The following SRCAP variants were observed in gnomAD, a reference collection of about 807,000 sequenced individuals.
SRCAP encodes the protein Snf2 related CREBBP activator protein, also known as chromatin remodeling protein SRCAP.
Under a neutral mutation model 263.1 loss-of-function variants are expected in SRCAP, and 46 were observed. The observed-to-expected ratio is 0.17, with a 90% CI of 0.14 to 0.22. The LOEUF (loss-of-function observed/expected upper bound fraction) is 0.22, where lower values mean the gene tolerates loss of function less well. SRCAP is among the 10% of genes least tolerant of loss of function. SRCAP has a pLI of 1.00. For synonymous variants in SRCAP, 1,813 were observed against 1,662.1 expected (o/e 1.09, Z -2.21); for missense variants, 3,695 against 4,181.9 (o/e 0.88, Z 3.21).
intron 18 of SRCAP, among the ~76,000 whole-genome samples, chr16:30,717,072 GC>G (rs1222496903): frequency 1.3e-5 from 2 of 152,218 alleles, no homozygotes; most frequent in African/African-American, 2.4e-5. Context: ...CCCTAGCAGG[GC>G]ACAAGTGTTC....
At chr16:30,716,643 T>G (rs1008496745) in intron 18 of SRCAP, among the ~76,000 whole-genome samples, 164 bp downstream of exon 18, 1 of 152,214 alleles carries the variant, frequency 6.6e-6, no homozygotes, top group East Asian at 1.9e-4. Context: ...ATGGTTCAAC[T>G]TAATATTTTT....
chr16:30,712,802 A>G lies in SRCAP; in HGVS notation c.2117A>G (p.Lys706Arg), dbSNP rs2052905408. Residue 706 changes from lysine (K) to arginine (R), a missense_variant, in exon 14 of 34, where the codon AAG (lysine) becomes AGG (arginine). Physicochemically the swap from Lys to Arg is conservative, Grantham distance 26. This residue lies in a region of SRCAP where 121 missense variants were observed against 330.7 expected (regional missense o/e 0.37). Coordinates refer to ENST00000262518, the MANE Select transcript of SRCAP (RefSeq NM_006662.3). ...LTYYGAQKERKLKRQGWTKPN... is the reference protein window; with the variant it reads ...LTYYGAQKERRLKRQGWTKPN... Reference sequence around the variant, plus strand: ...TACTATGGAGCCCAGAAAGAGAGGAAGCTCAAGCGGCAGGTTCGATGTTTC... The same window carrying G: ...TACTATGGAGCCCAGAAAGAGAGGAGGCTCAAGCGGCAGGTTCGATGTTTC... The G allele has an allele frequency of 6.2e-7, 1 of 1,614,044 alleles. No homozygotes were observed. The highest frequency in any genetic ancestry group is 1.3e-5 in the African/African-American group (1 of 74,932).
rs769676996 is a variant in SRCAP at position 30,704,046 on chromosome 16, C to T, written c.55-18C>T. On this transcript the variant is annotated intron_variant, in intron 3 of 33. Coordinates refer to ENST00000262518, the MANE Select transcript of SRCAP (RefSeq NM_006662.3). The stretch of plus-strand genomic sequence containing the variant: ...AGTGCGAAGCATTTATTTTCTCCAT[C>T]ATTTTCCTCTTTTCTAGATGGTGTC... 5 of 1,599,792 alleles carry T rather than the reference C, an allele frequency of 3.1e-6. No individual in the cohort carries two copies.
intron 27 of SRCAP, among the ~76,000 whole-genome samples, chr16:30,730,109 C>A (rs1224960045): frequency 6.6e-6 from 1 of 152,146 alleles, no homozygotes; most frequent in African/African-American, 2.4e-5. Flanking sequence ...GCTGCTAACT[C>A]CTTCATTCAG....
At chr16:30,716,265 G>T in intron 17 of SRCAP, 28 bp from the exon 18 acceptor site, 1 of 1,613,296 alleles carries the variant, frequency 6.2e-7, no homozygotes, top group African/African-American at 1.3e-5. Flanking sequence ...CTGTTAGGAC[G>T]TCTCATTTAT....
At position 30,738,679 on chromosome 16, in the gene SRCAP, C is replaced by T. The variant is rs1464873379; in HGVS notation, c.8639C>T (p.Ala2880Val). The T allele has an allele frequency of 6.2e-7, 1 of 1,613,614 alleles. No individual in the cohort carries two copies. Among genetic ancestry groups the T allele is most frequent in the African/African-American group, 1.3e-5 (1 of 74,996 alleles). ...GATGCTGGGAGAGGTGTGGATGAGGCACCCTCATCCACCTTGAAGGGAAAA... is the reference window on the plus strand; with the variant it reads ...GATGCTGGGAGAGGTGTGGATGAGGTACCCTCATCCACCTTGAAGGGAAAA... Reference protein sequence around the residue: ...PADAGRGVDEAPSSTLKGKTN... With the variant: ...PADAGRGVDEVPSSTLKGKTN... The change falls in exon 34 of 34, where the codon GCA (alanine) becomes GTA (valine). Residue 2880 changes from alanine (A) to valine (V), a missense_variant. Ala to Val is a moderately conservative substitution (Grantham distance 64). Transcript: ENST00000262518.
At chr16:30,706,892 GA>G (rs1483724110) in intron 4 of SRCAP, among the ~76,000 whole-genome samples, 1 of 152,180 alleles carries the variant, frequency 6.6e-6, no homozygotes, top group Non-Finnish European at 1.5e-5. Context: ...GAAAGAGCAT[GA>G]AATTTGCTGT....
At chr16:30,729,662 C>A in intron 27 of SRCAP, 90 bp downstream of exon 27, 2 of 1,477,034 alleles carry the variant, frequency 1.4e-6, no homozygotes, top group Non-Finnish European at 1.9e-6. Flanking sequence ...CACTTAAGTT[C>A]TCTTGCGATT....
At position 30,710,793 on chromosome 16, in the gene SRCAP, C is replaced by A; in HGVS notation, c.1174C>A (p.Gln392Lys). ...CTCTGCTGTCACACAGCGCAACAAACAGCCTTGGCATCCAGATGAAGATGA... is the reference window on the plus strand; with the variant it reads ...CTCTGCTGTCACACAGCGCAACAAAAAGCCTTGGCATCCAGATGAAGATGA... The part of the protein sequence containing the change: ...PPSAVTQRNK[Q>K]PWHPDEDDEE... The change falls in exon 9 of 34, where the codon CAG (glutamine) becomes AAG (lysine). Residue 392 changes from glutamine to lysine, a missense_variant. Coordinates refer to ENST00000262518, the MANE Select transcript of SRCAP (RefSeq NM_006662.3). 6.2e-7 allele frequency: 1 copy of A among 1,614,222 alleles called. No individual in the cohort carries two copies. Among genetic ancestry groups the A allele is most frequent in the Non-Finnish European group, 8.5e-7 (1 of 1,180,042 alleles).
chr16:30,739,384 C>G lies in SRCAP; in HGVS notation c.9344C>G (p.Pro3115Arg). ...ELTPPVVSLT[P>R]KLRSTRLRPG... is the part of the protein sequence containing the mutation. ...ACACCACCTGTGGTCTCACTAACCC[C>G]AAAACTGCGCTCGACCCGGCTGCGT... is the stretch of plus-strand genomic sequence containing the variant. The change falls in exon 34 of 34, where the codon CCA becomes CGA. Residue 3115 changes from proline to arginine, a missense_variant. Around this residue, in one of 12 missense-constraint regions of SRCAP, gnomAD observed 1,207 missense variants for 1,142.9 expected, o/e 1.06. Transcript: ENST00000262518. 1 of 1,614,222 alleles carries G rather than the reference C, an allele frequency of 6.2e-7. No individual in the cohort carries two copies. The highest frequency in any genetic ancestry group is 1.1e-5 in the South Asian group (1 of 91,092).
In SRCAP at chr16:30,725,246, G is replaced by T. The variant is rs577725505; in HGVS notation, c.5658+164G>T. 34 of 1,366,748 alleles carry T rather than the reference G, an allele frequency of 2.5e-5. No homozygotes were observed. The African/African-American group carries it at 4.0e-4, about 16-fold the overall frequency. The allele number at this position is 1,366,748 out of a possible 1,614,324, so 84.7% of individuals were successfully genotyped here. A position where few individuals can be genotyped will look rare whatever the true frequency, so the allele number is the denominator to read the frequency against. On this transcript the variant is annotated intron_variant, in intron 25 of 33. Coordinates refer to ENST00000262518, the MANE Select transcript of SRCAP (RefSeq NM_006662.3). ...TGGACAAGTCCCTTCTCTTCCCTGG[G>T]CGTGTACCTCATGATCCGCCTGCCT... is the stretch of plus-strand genomic sequence containing the variant.
chr16:30,715,037 C>T (rs1596649824), intron 16 of SRCAP, among the ~76,000 whole-genome samples: 2 of 152,282 alleles, frequency 1.3e-5, no homozygotes, highest in Non-Finnish European at 2.9e-5. Flanking sequence ...ATCTCACAGG[C>T]CTACTCATTC....
At position 30,737,031 on chromosome 16, in the gene SRCAP, T is replaced by C; in HGVS notation, c.7009-18T>C. On this transcript the variant is annotated intron_variant, in intron 33 of 33. Coordinates refer to ENST00000262518, the MANE Select transcript of SRCAP (RefSeq NM_006662.3). ...CTGCTTGCCTCCTCCTGACCACTTT[T>C]GGACCCTGTTGTTGTAGGAGCAAGT... The C allele has an allele frequency of 6.4e-7, 1 of 1,566,280 alleles. No individual in the cohort carries two copies. The highest frequency in any genetic ancestry group is 8.7e-7 in the Non-Finnish European group (1 of 1,155,734).
At position 30,722,130 on chromosome 16, in the gene SRCAP, G is replaced by A. The variant is rs1302809796; in HGVS notation, c.3550G>A (p.Val1184Met). ...DMQARLPSGE[V>M]VSIGQLASLA... ...GCCTTCTCTGTTTTTAGCAGGCGAA[G>A]TGGTCAGCATCGGGCAGTTAGCCTC... Residue 1184 changes from valine to methionine, a missense_variant, in exon 22 of 34, where the codon GTG (valine) becomes ATG (methionine). By Grantham distance (21) the Val-to-Met change is conservative. Coordinates refer to ENST00000262518, the MANE Select transcript of SRCAP (RefSeq NM_006662.3). 3.7e-6 allele frequency: 6 copies of A among 1,613,550 alleles called. No homozygotes were observed. The highest frequency in any genetic ancestry group is 1.7e-5 in the Admixed American group (1 of 59,930).
intron 31 of SRCAP, among the ~76,000 whole-genome samples, 200 bp from the exon 32 acceptor site, chr16:30,736,000 T>C (rs2053157762): frequency 6.6e-6 from 1 of 152,006 alleles, no homozygotes; most frequent in Non-Finnish European, 1.5e-5. Flanking sequence ...TTTTCCCTAG[T>C]GGGAGTCCTG....
intron 18 of SRCAP, among the ~76,000 whole-genome samples, chr16:30,717,193 T>C (rs923855730): frequency 1.3e-5 from 2 of 152,214 alleles, no homozygotes; most frequent in African/African-American, 4.8e-5. Context: ...CATTTCCTTA[T>C]TTCCTTAGTG....
rs550473824 is a variant in SRCAP, at chr16:30,734,667, C to T, written c.6729+52C>T. On this transcript the variant is annotated intron_variant, in intron 31 of 33. Transcript: ENST00000262518. ...AGTTGAGCTGATTCTTACAGAATAT[C>T]TTGTCTTTTGTTAGTCTGTTGAGCT... 2.0e-5 allele frequency: 33 copies of T among 1,611,116 alleles called. No homozygotes were observed. In the Middle Eastern group the frequency reaches 8.3e-4, roughly 40 times the overall value.
chr16:30,723,058 G>A lies in SRCAP; in HGVS notation c.3988G>A (p.Ala1330Thr). 6.2e-7 allele frequency: 1 copy of A among 1,614,060 alleles called. No homozygotes were observed. Among genetic ancestry groups the A allele is most frequent in the Non-Finnish European group, 8.5e-7 (1 of 1,180,014 alleles). The change falls in exon 24 of 34, where the codon GCA (alanine) becomes ACA (threonine). Residue 1330 changes from alanine (A) to threonine (T), a missense_variant. By Grantham distance (58) the Ala-to-Thr change is moderately conservative (BLOSUM62 0). Coordinates refer to ENST00000262518, the MANE Select transcript of SRCAP (RefSeq NM_006662.3). ...GACTCCTGTTCCTCCATTGGCCCCA[G>A]CACCCCGGCCTCCGAGCTCTGGGCT... ...GLTPVPPLAP[A>T]PRPPSSGLPA... is the part of the protein sequence containing the mutation.
At position 30,724,143 on chromosome 16, in the gene SRCAP, G is replaced by A; in HGVS notation, c.4719G>A (p.Leu1573=). 5.6e-6 allele frequency: 9 copies of A among 1,614,058 alleles called. No homozygotes were observed. Among genetic ancestry groups the A allele is most frequent in the Non-Finnish European group, 7.6e-6 (9 of 1,180,020 alleles). ...CAGCTCCAGCTCAGGCTTCCCTTCT[G>A]GCTCCAGCATCTTCTGCATCTCAGG... ...PNPAPAQASL[L]APASSASQAL... Residue 1573 remains leucine, a synonymous_variant, in exon 25 of 34, where the codon CTG becomes CTA. Transcript: ENST00000262518.
Sources: allele counts gnomAD v4.1 joint callset (sites outside exome capture counted in the v4.1 genomes callset), GRCh38; gene constraint gnomAD v4.1.1; regional missense constraint gnomAD v4.1.1; transcripts MANE v1.5; gene names NCBI Gene and HGNC (gene_info 2026-07-23, HGNC 2026-07-21).